Variants in FAM135A observed in about 807,000 individuals in gnomAD.
FAM135A encodes family with sequence similarity 135 member A.
Under a neutral mutation model 146.8 loss-of-function variants are expected in FAM135A, and 79 were observed. The observed-to-expected ratio is 0.54, with a 90% CI of 0.45 to 0.65. FAM135A has a LOEUF of 0.65. Ranked by LOEUF, FAM135A falls within the 30% of genes least tolerant of loss-of-function variation. FAM135A has a pLI of 0.00. For synonymous variants in FAM135A, 562 were observed against 603.6 expected, an observed-to-expected ratio of 0.93 and a Z score of 1.01; for missense variants, 1,623 against 1,758.2, an observed-to-expected ratio of 0.92 and a Z score of 1.38.
At chr6:70,428,171 T>A in intron 3 of FAM135A, 133 bp from the exon 4 acceptor site, 1 of 486,298 alleles carries the variant, frequency 2.1e-6, no homozygotes, top group Non-Finnish European at 3.6e-6. Context: ...GTTAGGTTGT[T>A]AAGTACACTG....
chr6:70,507,944 A>G (rs1170327039), intron 12 of FAM135A, among the ~76,000 whole-genome samples: 1 of 152,116 alleles, frequency 6.6e-6, no homozygotes, highest in Non-Finnish European at 1.5e-5. Context: ...CCTCCTAATT[A>G]CATGCTAACA....
rs182113758 is a variant in FAM135A at position 70,516,259 on chromosome 6, G to C, written c.1030-6254G>C. Among the ~76,000 whole-genome samples the C allele has an allele frequency of 4.0e-3, 615 of 152,232 alleles. 8 individuals are homozygous for C. The highest frequency in any genetic ancestry group is 0.014 in the African/African-American group (592 of 41,554). ...AGACCTAGGGAACTTTTTAAAAGTT[G>C]TGCAAGTGATTAACAGGGTTAGGGT... On this transcript the variant is annotated intron_variant, in intron 12 of 21. Transcript: ENST00000418814.
In FAM135A at chr6:70,491,851, A is replaced by G. The variant is rs2747706; in HGVS notation, c.873+768A>G. On this transcript the variant is annotated intron_variant, in intron 11 of 21. Coordinates refer to ENST00000418814, the MANE Select transcript of FAM135A (RefSeq NM_001162529.3). The stretch of plus-strand genomic sequence containing the variant: ...TTAAACATTTAAAAATAATCTTAAG[A>G]TGTGTGCAGTTAATATGAAATCATC... Among the ~76,000 whole-genome samples the G allele has an allele frequency of 6.9e-3, 1,042 of 151,990 alleles. 10 individuals are homozygous for G. Among genetic ancestry groups the G allele is most frequent in the African/African-American group, 0.024 (1,003 of 41,568 alleles).
chr6:70,428,500 C>T lies in FAM135A; in HGVS notation c.77+81C>T, dbSNP rs187590409. ...TAAATTTAATTACATATTTTTATTC[C>T]AGCATATATAAGGAAAACAATGAAC... On this transcript the variant is annotated intron_variant, in intron 4 of 21. Coordinates refer to ENST00000418814, the MANE Select transcript of FAM135A (RefSeq NM_001162529.3). 22 of 888,134 alleles carry T rather than the reference C, an allele frequency of 2.5e-5. No individual in the cohort carries two copies. The East Asian group carries it at 6.7e-4, about 27-fold the overall frequency. 55.0% of individuals were successfully genotyped at this position (888,134 alleles called of 1,614,324 possible). A position where few individuals can be genotyped will look rare whatever the true frequency, so the allele number is the denominator to read the frequency against.
At chr6:70,423,241 C>T (rs927833650) in intron 2 of FAM135A, among the ~76,000 whole-genome samples, 8 of 152,204 alleles carry the variant, frequency 5.3e-5, no homozygotes, top group African/African-American at 1.7e-4. Flanking sequence ...ATTCAGATTA[C>T]ATCATATAAT....
chr6:70,509,761 C>T (rs6907049), intron 12 of FAM135A, among the ~76,000 whole-genome samples: 8,479 of 152,080 alleles, frequency 0.056, 657 homozygotes, highest in African/African-American at 0.17. Flanking sequence ...GCCAAAGTTG[C>T]ATATCTTGTA....
chr6:70,532,248 G>T (rs1028148364), intron 16 of FAM135A, among the ~76,000 whole-genome samples: 1 of 151,936 alleles, frequency 6.6e-6, no homozygotes, highest in Non-Finnish European at 1.5e-5. Context: ...AAATTAGTAT[G>T]TGTTTATTTT....
Position 70,413,715 on chromosome 6 carries a change from C to G in FAM135A, c.-220+13C>G. ...AGCCGGGCGAGAGGTAACCCCCTTACTGTCCCCTCTGGCTCCCCCGGCTCC... is the reference window on the plus strand; with the variant it reads ...AGCCGGGCGAGAGGTAACCCCCTTAGTGTCCCCTCTGGCTCCCCCGGCTCC... On this transcript the variant is annotated intron_variant, in intron 1 of 21. Transcript: ENST00000418814. 1 of 715,672 alleles carries G rather than the reference C, an allele frequency of 1.4e-6. No individual in the cohort carries two copies. Among genetic ancestry groups the G allele is most frequent in the Non-Finnish European group, 1.7e-6 (1 of 582,876 alleles). The allele number at this position is 715,672 out of a possible 1,614,324, so 44.3% of individuals were successfully genotyped here.
At chr6:70,459,839 C>T (rs1190242499) in intron 5 of FAM135A, among the ~76,000 whole-genome samples, 1 of 152,072 alleles carries the variant, frequency 6.6e-6, no homozygotes, top group African/African-American at 2.4e-5. Flanking sequence ...ACAAGCCTGA[C>T]CAACATCGTG....
At chr6:70,452,462 G>A (rs745768221) in intron 4 of FAM135A, 30 bp from the exon 5 acceptor site, 15 of 1,524,524 alleles carry the variant, frequency 9.8e-6, no homozygotes, top group Non-Finnish European at 3.6e-6. Context: ...AATATGTTTT[G>A]AAATAACTTC....
chr6:70,473,191 C>T (rs1468007808), intron 5 of FAM135A, among the ~76,000 whole-genome samples: 1 of 152,060 alleles, frequency 6.6e-6, no homozygotes, highest in Non-Finnish European at 1.5e-5. Flanking sequence ...TTGTTGTGTC[C>T]CCACATTCTC....
At chr6:70,494,995 A>G (rs2128228323) in intron 11 of FAM135A, among the ~76,000 whole-genome samples, 1 of 152,308 alleles carries the variant, frequency 6.6e-6, no homozygotes, top group African/African-American at 2.4e-5. Flanking sequence ...TGGGGACAAT[A>G]ATAATGCAAG....
At chr6:70,454,970 G>C (rs1464480464) in intron 5 of FAM135A, among the ~76,000 whole-genome samples, 3 of 152,160 alleles carry the variant, frequency 2.0e-5, no homozygotes, top group African/African-American at 7.2e-5. Context: ...TGTGAAGAAA[G>C]TCATTGTTAG....
At chr6:70,556,304 TTAAAAA>T (rs1240023017) in intron 20 of FAM135A, among the ~76,000 whole-genome samples, 2 of 152,056 alleles carry the variant, frequency 1.3e-5, no homozygotes, top group Admixed American at 6.6e-5. Context: ...TAAGCAAGTG[TTAAAAA>T]TGAAAAGAAA....
intron 11 of FAM135A, among the ~76,000 whole-genome samples, chr6:70,496,277 A>G (rs1487263871): frequency 1.3e-5 from 2 of 151,878 alleles, no homozygotes; most frequent in East Asian, 3.9e-4. Context: ...GCTTTTTTTC[A>G]TATGTTTGTT....
At chr6:70,533,608 G>T in intron 17 of FAM135A, 149 bp from the exon 18 acceptor site, 1 of 576,312 alleles carries the variant, frequency 1.7e-6, no homozygotes. Context: ...CTCGTTTTAA[G>T]ATAAAAAAAT....
rs754818109 is a variant in FAM135A at position 70,464,658 on chromosome 6, C to CTTTTTTTTTTTTTTTTTTTTTT, written c.158-10744_158-10743insTTTTTTTTTTTTTTTTTTTTTT. ...TTTAAATTTCTTTCTTTCTTTCTTT[C>CTTTTTTTTTTTTTTTTTTTTTT]TTTTTTTTCTTTTTTTTTTTTTTTT... On this transcript the variant is annotated intron_variant, in intron 5 of 21. Transcript: ENST00000418814. Among the ~76,000 whole-genome samples the CTTTTTTTTTTTTTTTTTTTTTT allele has an allele frequency of 3.2e-4, 32 of 100,426 alleles. 2 individuals are homozygous for CTTTTTTTTTTTTTTTTTTTTTT. Among genetic ancestry groups the CTTTTTTTTTTTTTTTTTTTTTT allele is most frequent in the African/African-American group, 1.0e-3 (27 of 26,690 alleles). The allele number at this position is 100,426 out of a possible 152,430, so 65.9% of individuals were successfully genotyped here.
At chr6:70,463,110 A>G (rs1443028197) in intron 5 of FAM135A, among the ~76,000 whole-genome samples, 1 of 152,076 alleles carries the variant, frequency 6.6e-6, no homozygotes, top group Non-Finnish European at 1.5e-5. Flanking sequence ...CAATGGAACT[A>G]CTTTCAGTTT....
chr6:70,441,748 C>T (rs923879288), intron 4 of FAM135A, among the ~76,000 whole-genome samples: 3 of 150,980 alleles, frequency 2.0e-5, no homozygotes, highest in African/African-American at 2.4e-5. Flanking sequence ...GCACTGGCGC[C>T]GTCTCAGCTC....
Sources: gnomAD v4.1 joint callset for allele counts (sites outside exome capture counted in the v4.1 genomes callset) on GRCh38, gnomAD v4.1.1 for gene constraint, MANE v1.5 for transcripts, NCBI Gene and HGNC (gene_info 2026-07-23, HGNC 2026-07-21) for gene names.